Variants in MAPK8 observed in about 807,000 individuals in gnomAD.
MAPK8 encodes the protein JUN N-terminal kinase.
Under a neutral mutation model 52.9 loss-of-function variants are expected in MAPK8, and 13 were observed. That is an observed-to-expected ratio of 0.25 (90% CI 0.16 to 0.39). The LOEUF (loss-of-function observed/expected upper bound fraction) is 0.39, where lower values mean the gene tolerates loss of function less well. Ranked by LOEUF, MAPK8 falls within the 10% of genes least tolerant of loss-of-function variation. MAPK8 has a pLI of 1.00. For missense variants in MAPK8, 300 were observed against 519.2 expected (o/e 0.58, Z 4.10); for synonymous variants, 191 against 169.8 (o/e 1.12, Z -0.97).
At position 48,319,831 on chromosome 10, in the gene MAPK8, C is replaced by T. The variant is rs144781638; in HGVS notation, c.-50+13010C>T. Among the ~76,000 whole-genome samples, 1,088 of 152,006 alleles carry T rather than the reference C, an allele frequency of 7.2e-3. 11 individuals carry two copies. The highest frequency in any genetic ancestry group is 0.025 in the African/African-American group (1,037 of 41,456). On this transcript the variant is annotated intron_variant, in intron 1 of 11. Coordinates refer to ENST00000374189, the MANE Select transcript of MAPK8 (RefSeq NM_001323329.2). The stretch of plus-strand genomic sequence containing the variant: ...CATGTAAGTGGAATCATACACTGTG[C>T]GATCTTTTGTGACTGGCTTATTTCA...
chr10:48,425,361 A>G (rs987595614), intron 7 of MAPK8: 3 of 466,012 alleles, frequency 6.4e-6, no homozygotes, highest in Non-Finnish European at 7.7e-6. Context: ...TTTTAAACCT[A>G]AGCTAAACAA....
intron 1 of MAPK8, among the ~76,000 whole-genome samples, chr10:48,398,215 C>T (rs1225424788): frequency 6.6e-6 from 1 of 151,358 alleles, no homozygotes. Flanking sequence ...AAAATAGTTG[C>T]AAAACATCTG....
In MAPK8 at chr10:48,311,661, G is replaced by A. The variant is rs372626029; in HGVS notation, c.-50+4840G>A. ...TCGATTCTGTGAAGATTGCAGATTTGTCAGAGACCTGGTAACCACAACAAT... is the reference window on the plus strand; with the variant it reads ...TCGATTCTGTGAAGATTGCAGATTTATCAGAGACCTGGTAACCACAACAAT... On this transcript the variant is annotated intron_variant, in intron 1 of 11. Coordinates refer to ENST00000374189, the MANE Select transcript of MAPK8 (RefSeq NM_001323329.2). Among the ~76,000 whole-genome samples the A allele has an allele frequency of 1.3e-4, 20 of 152,304 alleles. No individual in the cohort carries two copies. The East Asian group carries it at 3.9e-3, about 29-fold the overall frequency.
intron 1 of MAPK8, among the ~76,000 whole-genome samples, chr10:48,324,685 T>A (rs976837027): frequency 1.4e-3 from 8 of 5,870 alleles, no homozygotes; most frequent in Non-Finnish European, 1.7e-3. Context: ...TTATATTTAG[T>A]TTTTTTTTGG....
chr10:48,375,598 C>T (rs1280198911), intron 1 of MAPK8, among the ~76,000 whole-genome samples: 1 of 152,170 alleles, frequency 6.6e-6, no homozygotes, highest in Non-Finnish European at 1.5e-5. Flanking sequence ...CAATAACAGA[C>T]AGACAGCCAA....
At chr10:48,360,563 C>A (rs1267143712) in intron 1 of MAPK8, among the ~76,000 whole-genome samples, 5 of 152,106 alleles carry the variant, frequency 3.3e-5, no homozygotes, top group East Asian at 3.8e-4. Flanking sequence ...GCCTAAATAT[C>A]CCTCAGTAGT....
At chr10:48,345,800 T>C (rs965144262) in intron 1 of MAPK8, among the ~76,000 whole-genome samples, 1 of 152,100 alleles carries the variant, frequency 6.6e-6, no homozygotes, top group Non-Finnish European at 1.5e-5. Context: ...AAGCTGGCAA[T>C]CCAGAAATGT....
chr10:48,362,869 T>C lies in MAPK8; in HGVS notation c.-49-38743T>C, dbSNP rs986262097. Reference sequence around the variant, plus strand: ...AATTCTCCTGCCTCAGCCTCCTGAGTAGCTGGGATTACAGGCGCCTGCCAC... The same window carrying C: ...AATTCTCCTGCCTCAGCCTCCTGAGCAGCTGGGATTACAGGCGCCTGCCAC... On this transcript the variant is annotated intron_variant, in intron 1 of 11. Coordinates refer to ENST00000374189, the MANE Select transcript of MAPK8 (RefSeq NM_001323329.2). Among the ~76,000 whole-genome samples the C allele has an allele frequency of 2.0e-5, 3 of 151,292 alleles. No individual in the cohort carries two copies. The South Asian group carries it at 6.3e-4, about 32-fold the overall frequency.
At chr10:48,384,128 T>TG (rs1391733523) in intron 1 of MAPK8, among the ~76,000 whole-genome samples, 4 of 152,176 alleles carry the variant, frequency 2.6e-5, no homozygotes, top group Non-Finnish European at 5.9e-5. Context: ...AGCGGGCACC[T>TG]GTAATCCCAG....
At chr10:48,424,632 T>G in intron 7 of MAPK8, 1 of 1,278,094 alleles carries the variant, frequency 7.8e-7, no homozygotes, top group Non-Finnish European at 1.1e-6. Flanking sequence ...GGTCAAAATG[T>G]ATGATAGCAC....
At chr10:48,412,826 A>T (rs1201619261) in intron 5 of MAPK8, among the ~76,000 whole-genome samples, 2 of 152,176 alleles carry the variant, frequency 1.3e-5, no homozygotes, top group East Asian at 3.8e-4. Context: ...TTAACCATTA[A>T]ATCTACAGTT....
At chr10:48,317,326 G>A (rs1842598982) in intron 1 of MAPK8, among the ~76,000 whole-genome samples, 1 of 152,084 alleles carries the variant, frequency 6.6e-6, no homozygotes, top group African/African-American at 2.4e-5. Context: ...GGACTCGGCT[G>A]GCGAATTTTT....
At chr10:48,376,474 A>G (rs1434438690) in intron 1 of MAPK8, among the ~76,000 whole-genome samples, 6 of 152,206 alleles carry the variant, frequency 3.9e-5, no homozygotes, top group African/African-American at 1.2e-4. Flanking sequence ...AAATTTTTGC[A>G]ATCTATCCAT....
At chr10:48,343,801 AT>A (rs1436492119) in intron 1 of MAPK8, among the ~76,000 whole-genome samples, 2 of 152,222 alleles carry the variant, frequency 1.3e-5, no homozygotes, top group Non-Finnish European at 2.9e-5. Flanking sequence ...ATGGAAAGTA[AT>A]TTTAACAAAG....
At chr10:48,418,891 G>A (rs2043202340) in intron 5 of MAPK8, among the ~76,000 whole-genome samples, 2 of 151,944 alleles carry the variant, frequency 1.3e-5, no homozygotes, top group South Asian at 4.2e-4. Flanking sequence ...TTCTAAATTG[G>A]AATCTGCTAG....
chr10:48,389,495 T>C (rs2041507607), intron 1 of MAPK8, among the ~76,000 whole-genome samples: 2 of 152,312 alleles, frequency 1.3e-5, no homozygotes, highest in South Asian at 4.1e-4. Flanking sequence ...TCAAGGCTAA[T>C]GGCTTATGAA....
chr10:48,359,997 T>C (rs1012766456), intron 1 of MAPK8, among the ~76,000 whole-genome samples: 1 of 152,018 alleles, frequency 6.6e-6, no homozygotes, highest in Non-Finnish European at 1.5e-5. Flanking sequence ...CAACACATAA[T>C]TGAGAAAGGA....
At chr10:48,363,619 A>G (rs1847762030) in intron 1 of MAPK8, among the ~76,000 whole-genome samples, 1 of 152,198 alleles carries the variant, frequency 6.6e-6, no homozygotes, top group African/African-American at 2.4e-5. Context: ...ACTGTTCCAA[A>G]GAACATATTT....
intron 1 of MAPK8, among the ~76,000 whole-genome samples, chr10:48,390,182 C>G (rs932185633): frequency 3.9e-5 from 6 of 152,136 alleles, no homozygotes. Context: ...CTTATTCATA[C>G]TTTTTGTTTT....
Sources: gnomAD v4.1 joint callset for allele counts (sites outside exome capture counted in the v4.1 genomes callset) on GRCh38, gnomAD v4.1.1 for gene constraint, MANE v1.5 for transcripts, NCBI Gene and HGNC (gene_info 2026-07-23, HGNC 2026-07-21) for gene names.